The following CDK5RAP2 variants were observed in gnomAD, a reference collection of about 807,000 sequenced individuals.
The protein encoded by CDK5RAP2 is CDK5 regulatory subunit-associated protein 2.
CDK5RAP2 carries 147 observed loss-of-function variants against 232.9 expected under a neutral mutation model. The ratio of observed to expected loss-of-function variants is 0.63; its 90% CI spans 0.55 to 0.72. CDK5RAP2 has a LOEUF of 0.72. CDK5RAP2 is among the 30% of genes least tolerant of loss of function. The pLI is 0.00. For missense variants in CDK5RAP2, 2,195 were observed against 2,231.5 expected (o/e 0.98, Z 0.33); for synonymous variants, 833 against 833.7 (o/e 1.00, Z 0.01).
At chr9:120,545,169 T>C (rs577529294) in intron 5 of CDK5RAP2, among the ~76,000 whole-genome samples, 1 of 152,240 alleles carries the variant, frequency 6.6e-6, no homozygotes, top group East Asian at 1.9e-4. Flanking sequence ...TGAAGCCCCA[T>C]CCTCTGTCTC....
At chr9:120,446,260 C>CAG (rs931169072) in intron 22 of CDK5RAP2, among the ~76,000 whole-genome samples, 5 of 148,134 alleles carry the variant, frequency 3.4e-5, no homozygotes, top group African/African-American at 1.2e-4. Context: ...TCAACTCCTA[C>CAG]TTTTTTTTTT....
intron 14 of CDK5RAP2, among the ~76,000 whole-genome samples, chr9:120,486,490 T>C (rs2038610730): frequency 1.3e-5 from 2 of 151,836 alleles, no homozygotes; most frequent in Admixed American, 1.3e-4. Flanking sequence ...GCATTATTCA[T>C]TCATTCACTC....
intron 25 of CDK5RAP2, among the ~76,000 whole-genome samples, chr9:120,426,443 T>G (rs1158114491): frequency 6.6e-6 from 1 of 152,172 alleles, no homozygotes; most frequent in African/African-American, 2.4e-5. Flanking sequence ...AGGTCATTGG[T>G]GGATTCAAAC....
At chr9:120,458,267 C>A (rs1304776348) in intron 20 of CDK5RAP2, among the ~76,000 whole-genome samples, 183 bp downstream of exon 20, 1 of 152,170 alleles carries the variant, frequency 6.6e-6, no homozygotes, top group Non-Finnish European at 1.5e-5. Context: ...GCTGACGTCC[C>A]CTCACAGCCA....
intron 3 of CDK5RAP2, 64 bp from the exon 4 acceptor site, chr9:120,550,966 C>A: frequency 1.1e-6 from 1 of 917,592 alleles, no homozygotes; most frequent in Non-Finnish European, 1.8e-6. Flanking sequence ...ACAGATAGTA[C>A]ATACATTAGT....
intron 12 of CDK5RAP2, among the ~76,000 whole-genome samples, chr9:120,496,287 A>G (rs2039227435): frequency 1.1e-5 from 1 of 93,704 alleles, no homozygotes; most frequent in Non-Finnish European, 2.3e-5. Flanking sequence ...CTGGGAAGTG[A>G]GGAGCCCCTC....
At position 120,439,451 on chromosome 9, in the gene CDK5RAP2, A is replaced by G. The variant is rs2035770747; in HGVS notation, c.3670T>C (p.Phe1224Leu). 2.5e-6 allele frequency: 4 copies of G among 1,614,168 alleles called. No homozygotes were observed. Among genetic ancestry groups the G allele is most frequent in the East Asian group, 2.2e-5 (1 of 44,880 alleles). ...QKEQNLNMQL[F>L]SEIHNLQNKF... ...TTCTGCAGATTATGGATCTCACTGA[A>G]AAGTTGCATGTTCAAATTCTGCTCC... is the stretch of plus-strand genomic sequence containing the variant. Residue 1224 changes from phenylalanine (F) to leucine (L), a missense_variant, in exon 24 of 38, where the codon TTC (phenylalanine) becomes CTC (leucine). By Grantham distance (22) the Phe-to-Leu change is conservative. Transcript: ENST00000349780.
chr9:120,464,560 C>G (rs1046326892), intron 18 of CDK5RAP2, among the ~76,000 whole-genome samples: 1 of 152,186 alleles, frequency 6.6e-6, no homozygotes, highest in Non-Finnish European at 1.5e-5. Flanking sequence ...CTTAGGGCAG[C>G]AGAAGCATCA....
chr9:120,528,946 C>T, intron 8 of CDK5RAP2, 149 bp from the exon 9 acceptor site: 3 of 678,946 alleles, frequency 4.4e-6, no homozygotes, highest in East Asian at 2.7e-5. Flanking sequence ...CCTCTCTCCA[C>T]CCCACCCAAA....
intron 6 of CDK5RAP2, among the ~76,000 whole-genome samples, chr9:120,537,175 A>G (rs2041429815): frequency 6.6e-6 from 1 of 152,168 alleles, no homozygotes; most frequent in Non-Finnish European, 1.5e-5. Flanking sequence ...TAAACATCAA[A>G]CAGAATTGGG....
At chr9:120,542,144 T>C (rs1308392318) in intron 5 of CDK5RAP2, among the ~76,000 whole-genome samples, 1 of 152,180 alleles carries the variant, frequency 6.6e-6, no homozygotes. Flanking sequence ...CATATTAACA[T>C]AGATATTTTC....
chr9:120,457,698 A>G (rs1375363876), intron 20 of CDK5RAP2, among the ~76,000 whole-genome samples: 1 of 152,256 alleles, frequency 6.6e-6, no homozygotes, highest in Non-Finnish European at 1.5e-5. Context: ...ATGGGCAATC[A>G]TTACCGTTCC....
intron 25 of CDK5RAP2, among the ~76,000 whole-genome samples, chr9:120,432,098 T>C (rs2035317912): frequency 6.6e-6 from 1 of 152,234 alleles, no homozygotes; most frequent in Non-Finnish European, 1.5e-5. Flanking sequence ...AGCAAGGATA[T>C]GCACAAAGAT....
In CDK5RAP2 at chr9:120,539,149, G is replaced by A; in HGVS notation, c.399C>T (p.Ser133=). ...TTTCAGAGCCACCTGCTTCAGCTAA[G>A]CTCTCAACTGCTTTGCTGCAAAAAG... ...LLIKASKAVE[S]LAEAGGSEIQ... The change falls in exon 6 of 38, where the codon AGC becomes AGT. Residue 133 remains serine (S), a synonymous_variant. Transcript: ENST00000349780. The A allele has an allele frequency of 6.2e-7, 1 of 1,613,886 alleles. No individual in the cohort carries two copies. The highest frequency in any genetic ancestry group is 8.5e-7 in the Non-Finnish European group (1 of 1,179,858).
intron 13 of CDK5RAP2, among the ~76,000 whole-genome samples, chr9:120,488,082 A>G (rs997119076): frequency 6.6e-6 from 1 of 152,184 alleles, no homozygotes; most frequent in Non-Finnish European, 1.5e-5. Flanking sequence ...ACCGGAGACC[A>G]TATCTCTAGT....
In CDK5RAP2 at chr9:120,471,163, G is replaced by A. The variant is rs116228428; in HGVS notation, c.1858+585C>T. 6.0e-3 allele frequency among the ~76,000 whole-genome samples: 920 copies of A among 152,270 alleles called. 8 individuals carry two copies. The highest frequency in any genetic ancestry group is 0.021 in the African/African-American group (869 of 41,546). On this transcript the variant is annotated intron_variant, in intron 16 of 37. Transcript: ENST00000349780. ...ATTTTTACCATATGTGTCAGGCACC[G>A]GGCTAGAGATACAGAAGGGAATCAG...
chr9:120,570,766 G>A (rs2042824664), intron 2 of CDK5RAP2, among the ~76,000 whole-genome samples: 1 of 151,748 alleles, frequency 6.6e-6, no homozygotes, highest in South Asian at 2.1e-4. Context: ...TTGAACCCAC[G>A]AGGCGGAGGT....
At chr9:120,389,526 G>A (rs1564155105) in intron 37 of CDK5RAP2, among the ~76,000 whole-genome samples, 3 of 152,140 alleles carry the variant, frequency 2.0e-5, no homozygotes, top group Admixed American at 6.5e-5. Flanking sequence ...ATTTCTTACT[G>A]GTAAAAATAG....
At chr9:120,520,557 T>C (rs2040571115) in intron 11 of CDK5RAP2, among the ~76,000 whole-genome samples, 1 of 152,172 alleles carries the variant, frequency 6.6e-6, no homozygotes, top group Middle Eastern at 3.4e-3. Flanking sequence ...ACAGGAGAAT[T>C]GCTTGAACCC....
Sources: allele counts gnomAD v4.1 joint callset (sites outside exome capture counted in the v4.1 genomes callset), GRCh38; gene constraint gnomAD v4.1.1; transcripts MANE v1.5; gene names NCBI Gene and HGNC (gene_info 2026-07-23, HGNC 2026-07-21).